MFHAS1: variants seen among roughly 807,000 people sequenced by gnomAD.
MFHAS1 encodes the protein multifunctional ROCO family signaling regulator 1.
MFHAS1 carries 50 observed loss-of-function variants against 70.4 expected under a neutral mutation model. The observed-to-expected ratio is 0.71, with a 90% CI of 0.57 to 0.90. The LOEUF (loss-of-function observed/expected upper bound fraction) is 0.90, where lower values mean the gene tolerates loss of function less well. MFHAS1 is among the 40% of genes least tolerant of loss of function. The pLI is 0.00. For missense variants in MFHAS1, 1,795 were observed against 1,347.6 expected (o/e 1.33, Z -5.20); for synonymous variants, 952 against 620.0 (o/e 1.54, Z -7.96).
intron 2 of MFHAS1, among the ~76,000 whole-genome samples, chr8:8,786,705 T>TTC (rs1805556166): frequency 6.6e-6 from 1 of 150,772 alleles, no homozygotes; most frequent in Non-Finnish European, 1.5e-5. Context: ...TGAAAGTGGT[T>TTC]TTTTTTTTTT....
chr8:8,824,722 G>T (rs1807093845), intron 1 of MFHAS1, among the ~76,000 whole-genome samples: 1 of 152,234 alleles, frequency 6.6e-6, no homozygotes, highest in Admixed American at 6.5e-5. Flanking sequence ...GATGGGTTTA[G>T]CGGTCAGAAG....
intron 1 of MFHAS1, among the ~76,000 whole-genome samples, chr8:8,834,888 G>T (rs76918115): frequency 2.0e-5 from 3 of 152,162 alleles, no homozygotes; most frequent in Non-Finnish European, 4.4e-5. Flanking sequence ...ATCTTGGAGG[G>T]AAACAGCAAT....
intron 1 of MFHAS1, among the ~76,000 whole-genome samples, chr8:8,879,175 C>T (rs1311714015): frequency 6.6e-6 from 1 of 152,066 alleles, no homozygotes; most frequent in Admixed American, 6.5e-5. Flanking sequence ...ACGATGAAAC[C>T]CCGTCTCTAC....
chr8:8,869,428 T>C (rs1455733551), intron 1 of MFHAS1, among the ~76,000 whole-genome samples: 15 of 152,166 alleles, frequency 9.9e-5, no homozygotes, highest in Non-Finnish European at 4.4e-5. Context: ...TCATTTATCT[T>C]TGCGGTATTT....
At chr8:8,831,327 T>A (rs1807379406) in intron 1 of MFHAS1, among the ~76,000 whole-genome samples, 1 of 152,060 alleles carries the variant, frequency 6.6e-6, no homozygotes, top group South Asian at 2.1e-4. Context: ...CTTTGAAAAA[T>A]GATACTCTTA....
At chr8:8,857,317 C>T (rs1372044932) in intron 1 of MFHAS1, among the ~76,000 whole-genome samples, 1 of 152,198 alleles carries the variant, frequency 6.6e-6, no homozygotes, top group African/African-American at 2.4e-5. Context: ...TTTAATATCC[C>T]TTTCAGATTT....
At chr8:8,813,065 C>G (rs570053483) in intron 1 of MFHAS1, among the ~76,000 whole-genome samples, 1 of 152,262 alleles carries the variant, frequency 6.6e-6, no homozygotes, top group African/African-American at 2.4e-5. Flanking sequence ...CTGCACCTGG[C>G]CTTCATATAA....
At chr8:8,885,090 G>C (rs1391980528) in intron 1 of MFHAS1, among the ~76,000 whole-genome samples, 1 of 152,040 alleles carries the variant, frequency 6.6e-6, no homozygotes, top group African/African-American at 2.4e-5. Flanking sequence ...CCTAATCAAA[G>C]ATATATCATG....
At chr8:8,794,866 G>C (rs1215493253) in intron 2 of MFHAS1, among the ~76,000 whole-genome samples, 2 of 152,208 alleles carry the variant, frequency 1.3e-5, no homozygotes, top group Non-Finnish European at 2.9e-5. Flanking sequence ...TAGGCTGCTT[G>C]TTCGTTCAGG....
Position 8,823,395 on chromosome 8 carries a change from C to T in MFHAS1, c.2999-25904G>A, listed in dbSNP as rs552207549. 4.0e-3 allele frequency among the ~76,000 whole-genome samples: 614 copies of T among 152,246 alleles called. 3 individuals carry two copies. Among genetic ancestry groups the T allele is most frequent in the African/African-American group, 0.013 (557 of 41,536 alleles). On this transcript the variant is annotated intron_variant, in intron 1 of 2. Transcript: ENST00000276282. ...GTAAGGAGCTGGACACGGGGCCCCG[C>T]GCTCCGATCCTGGTGCTGCGCTAAC...
At chr8:8,814,789 C>T (rs1310853918) in intron 1 of MFHAS1, among the ~76,000 whole-genome samples, 1 of 150,964 alleles carries the variant, frequency 6.6e-6, no homozygotes, top group Non-Finnish European at 1.5e-5. Context: ...CAACGTGATG[C>T]ATATTGGGGA....
chr8:8,851,689 T>G (rs1250762139), intron 1 of MFHAS1, among the ~76,000 whole-genome samples: 1 of 152,210 alleles, frequency 6.6e-6, no homozygotes, highest in Non-Finnish European at 1.5e-5. Context: ...TCTTGCCTTG[T>G]TTTTCTCTTT....
At chr8:8,815,027 C>A (rs1300440592) in intron 1 of MFHAS1, among the ~76,000 whole-genome samples, 1 of 152,016 alleles carries the variant, frequency 6.6e-6, no homozygotes, top group Admixed American at 6.6e-5. Flanking sequence ...CTCACCGCCC[C>A]CCACACAGGC....
At chr8:8,816,735 A>G (rs1806761690) in intron 1 of MFHAS1, among the ~76,000 whole-genome samples, 3 of 152,244 alleles carry the variant, frequency 2.0e-5, no homozygotes, top group Admixed American at 1.3e-4. Flanking sequence ...AATGGTTATT[A>G]TATCAGTAGG....
intron 1 of MFHAS1, among the ~76,000 whole-genome samples, chr8:8,811,177 C>T (rs1401269710): frequency 6.6e-6 from 1 of 152,074 alleles, no homozygotes; most frequent in East Asian, 1.9e-4. Context: ...TAAAATCCAG[C>T]CGGGACTTGA....
intron 1 of MFHAS1, among the ~76,000 whole-genome samples, chr8:8,809,583 C>T (rs532112546): frequency 1.8e-4 from 28 of 152,190 alleles, no homozygotes; most frequent in Non-Finnish European, 3.2e-4. Flanking sequence ...CCATTTTGCT[C>T]GCTAAGGGTT....
rs538080418 is a variant in MFHAS1, at chr8:8,866,242, G to C, written c.2998+23819C>G. On this transcript the variant is annotated intron_variant, in intron 1 of 2. Coordinates refer to ENST00000276282, the MANE Select transcript of MFHAS1 (RefSeq NM_004225.3). ...TCTCTAACTGATCCCTGTTTTATCA[G>C]ACGATAAAACTCTGACGCTGAATGG... Among the ~76,000 whole-genome samples the C allele has an allele frequency of 3.9e-4, 60 of 151,960 alleles. 1 individual carries two copies. Among genetic ancestry groups the C allele is most frequent in the African/African-American group, 6.5e-4 (27 of 41,446 alleles).
chr8:8,832,794 A>G (rs1807454418), intron 1 of MFHAS1, among the ~76,000 whole-genome samples: 1 of 151,980 alleles, frequency 6.6e-6, no homozygotes, highest in African/African-American at 2.4e-5. Context: ...ACTACATGCT[A>G]AGTTTTCACT....
intron 1 of MFHAS1, among the ~76,000 whole-genome samples, chr8:8,848,045 A>C (rs535796624): frequency 6.6e-6 from 1 of 152,350 alleles, no homozygotes; most frequent in Non-Finnish European, 1.5e-5. Context: ...GAAAAAACAA[A>C]GCACAGCCTA....
Sources: allele counts gnomAD v4.1 joint callset (sites outside exome capture counted in the v4.1 genomes callset), GRCh38; gene constraint gnomAD v4.1.1; transcripts MANE v1.5; gene names NCBI Gene and HGNC (gene_info 2026-07-23, HGNC 2026-07-21).